HERC2: variants seen among roughly 807,000 people sequenced by gnomAD.
HERC2 encodes the protein HECT and RLD domain containing E3 ubiquitin protein ligase 2, also known as E3 ubiquitin-protein ligase HERC2.
Under a neutral mutation model 537.7 loss-of-function variants are expected in HERC2, and 102 were observed. That is an observed-to-expected ratio of 0.19 (90% CI 0.16 to 0.22). HERC2 has a LOEUF of 0.22. Among genes scored for constraint, HERC2 ranks in the 10% least tolerant of loss-of-function variants. The probability of loss-of-function intolerance (pLI) is 1.00; values close to 1 mark genes in which losing one functional copy is unlikely to be tolerated. For missense variants in HERC2, 4,236 were observed against 6,198.2 expected (o/e 0.68, Z 10.63); for synonymous variants, 2,224 against 2,466.2 (o/e 0.90, Z 2.91).
chr15:28,232,518 C>T (rs1211864113), intron 30 of HERC2, among the ~76,000 whole-genome samples: 3 of 150,332 alleles, frequency 2.0e-5, no homozygotes, highest in Admixed American at 6.6e-5. Flanking sequence ...CACTGCACTC[C>T]AGCCTGGCGA....
At chr15:28,319,312 G>C (rs1409538248) in intron 2 of HERC2, among the ~76,000 whole-genome samples, 11 of 152,322 alleles carry the variant, frequency 7.2e-5, no homozygotes, top group Non-Finnish European at 1.0e-4. Flanking sequence ...TTGGCCAGGT[G>C]CAGTGGCTCA....
chr15:28,145,691 A>G (rs910392637), intron 71 of HERC2, among the ~76,000 whole-genome samples: 5 of 152,200 alleles, frequency 3.3e-5, no homozygotes, highest in African/African-American at 1.2e-4. Flanking sequence ...TGAAGGATAA[A>G]GAGGTCTTAA....
At chr15:28,139,016 G>A (rs1390278555) in intron 78 of HERC2, among the ~76,000 whole-genome samples, 1 of 152,230 alleles carries the variant, frequency 6.6e-6, no homozygotes, top group Non-Finnish European at 1.5e-5. Flanking sequence ...GAAACAGCAA[G>A]AGAACTAGAA....
At position 28,274,991 on chromosome 15, in the gene HERC2, C is replaced by T. The variant is rs1371672238; in HGVS notation, c.557G>A (p.Gly186Asp). The T allele has an allele frequency of 1.2e-6, 2 of 1,606,708 alleles. No homozygotes were observed. The highest frequency in any genetic ancestry group is 3.3e-5 in the Admixed American group (2 of 59,994). Reference sequence around the variant, plus strand: ...TCTGGCGAGCCCCTCCACACCTTTGCCCGCAGGCCGGGAACTGCAGACGAC... The same window carrying T: ...TCTGGCGAGCCCCTCCACACCTTTGTCCGCAGGCCGGGAACTGCAGACGAC... ...PVDKKSSRPA[G>D]KGVEGLARVG... Residue 186 changes from glycine to aspartate, a missense_variant, in exon 6 of 93, where the codon GGC (glycine) becomes GAC (aspartate). Physicochemically the swap from Gly to Asp is moderately conservative, Grantham distance 94. Coordinates refer to ENST00000261609, the MANE Select transcript of HERC2 (RefSeq NM_004667.6).
intron 69 of HERC2, among the ~76,000 whole-genome samples, chr15:28,155,175 T>C (rs1892869006): frequency 6.6e-6 from 1 of 152,122 alleles, no homozygotes; most frequent in Non-Finnish European, 1.5e-5. Context: ...TTGTTGGACA[T>C]TTGGGTTAGT....
At chr15:28,292,645 G>C (rs150143589) in intron 4 of HERC2, among the ~76,000 whole-genome samples, 1 of 152,258 alleles carries the variant, frequency 6.6e-6, no homozygotes, top group African/African-American at 2.4e-5. Flanking sequence ...GTGAGATTCT[G>C]TCTCTAATTA....
intron 2 of HERC2, among the ~76,000 whole-genome samples, chr15:28,299,963 G>A (rs2076575100): frequency 6.6e-6 from 1 of 150,434 alleles, no homozygotes; most frequent in Non-Finnish European, 1.5e-5. Context: ...TGAGGCAGGA[G>A]AATTGCTTGA....
rs1294616642 is a variant in HERC2 at position 28,213,952 on chromosome 15, G to A, written c.6576C>T (p.Phe2192=). 3.7e-6 allele frequency: 6 copies of A among 1,613,886 alleles called. No individual in the cohort carries two copies. Among genetic ancestry groups the A allele is most frequent in the Non-Finnish European group, 5.1e-6 (6 of 1,179,924 alleles). ...CCACTTCAGGGTTCTCGGAGTCGGG[G>A]AAGTAGTCCTCTAACTGGGCCTAGT... is the stretch of plus-strand genomic sequence containing the variant. ...PSEGAQLEDY[F]PDSENPEVGG... The change falls in exon 42 of 93, where the codon TTC becomes TTT. Residue 2192 remains phenylalanine, a synonymous_variant. Coordinates refer to ENST00000261609, the MANE Select transcript of HERC2 (RefSeq NM_004667.6).
In HERC2 at chr15:28,229,710, C is replaced by T; in HGVS notation, c.4947G>A (p.Val1649=). The change falls in exon 32 of 93, where the codon GTG becomes GTA. Residue 1649 remains valine (V), a synonymous_variant. Coordinates refer to ENST00000261609, the MANE Select transcript of HERC2 (RefSeq NM_004667.6). ...IAEFALKEEP[V]DVEKMRKCLL... is the part of the protein sequence containing the mutation. ...GGCACTTTCTCATTTTTTCCACATC[C>T]ACTGGCTCTTCTTTAAGGGCAAATT... 6.2e-7 allele frequency: 1 copy of T among 1,611,880 alleles called. No individual in the cohort carries two copies. The highest frequency in any genetic ancestry group is 8.5e-7 in the Non-Finnish European group (1 of 1,179,754).
chr15:28,121,801 G>A (rs1888921041), intron 85 of HERC2, among the ~76,000 whole-genome samples: 1 of 152,232 alleles, frequency 6.6e-6, no homozygotes, highest in African/African-American at 2.4e-5. Context: ...TGCCAAGCAA[G>A]CCCACCCGTG....
chr15:28,277,095 CAAT>C (rs1380506646), intron 5 of HERC2, among the ~76,000 whole-genome samples: 1 of 149,518 alleles, frequency 6.7e-6, no homozygotes, highest in Non-Finnish European at 1.5e-5. Flanking sequence ...ATAATAATAA[CAAT>C]AATAAAAAAT....
At chr15:28,248,425 C>A in intron 21 of HERC2, 127 bp downstream of exon 21, 2 of 607,928 alleles carry the variant, frequency 3.3e-6, no homozygotes, top group South Asian at 2.6e-5. Flanking sequence ...CAAAATGAAG[C>A]CCCAAAATTG....
intron 70 of HERC2, among the ~76,000 whole-genome samples, chr15:28,147,308 T>A (rs189014389): frequency 1.3e-5 from 2 of 152,376 alleles, no homozygotes; most frequent in African/African-American, 4.8e-5. Context: ...TAAATTTCTA[T>A]CATGAAGTAA....
chr15:28,181,823 T>C (rs911412741), intron 57 of HERC2, among the ~76,000 whole-genome samples: 8 of 152,262 alleles, frequency 5.3e-5, no homozygotes, highest in Non-Finnish European at 1.0e-4. Context: ...ACAGAGGCTA[T>C]GGCACGGCTT....
intron 20 of HERC2, among the ~76,000 whole-genome samples, chr15:28,251,385 G>A (rs981086790): frequency 7.2e-5 from 11 of 151,768 alleles, no homozygotes; most frequent in African/African-American, 2.7e-4. Context: ...AGAGGCTGCA[G>A]TGAGCTGAGA....
chr15:28,219,502 G>A (rs1392982804), intron 37 of HERC2, among the ~76,000 whole-genome samples: 1 of 152,212 alleles, frequency 6.6e-6, no homozygotes, highest in East Asian at 1.9e-4. Flanking sequence ...GGTTCCAGGT[G>A]CCATATACAT....
At chr15:28,191,363 A>C in intron 53 of HERC2, 119 bp from the exon 54 acceptor site, 1 of 652,676 alleles carries the variant, frequency 1.5e-6, no homozygotes, top group Non-Finnish European at 2.6e-6. Context: ...AAAATGTAGC[A>C]TGAGAGAGAA....
At chr15:28,116,216 CTTTTTCTTTTTT>C (rs1229540558) in intron 88 of HERC2, among the ~76,000 whole-genome samples, 2 of 110,874 alleles carry the variant, frequency 1.8e-5, no homozygotes, top group African/African-American at 5.6e-5. Context: ...AAAGTCTTTT[CTTTTTCTTTTTT>C]TTTTTTTTTT....
At chr15:28,202,092 G>A (rs763378060) in intron 47 of HERC2, 21 bp downstream of exon 47, 21 of 1,350,538 alleles carry the variant, frequency 1.6e-5, no homozygotes, top group South Asian at 4.9e-5. Flanking sequence ...AGGTGCGGGC[G>A]GTCACATGGG....
Sources: allele counts gnomAD v4.1 joint callset (sites outside exome capture counted in the v4.1 genomes callset), GRCh38; gene constraint gnomAD v4.1.1; transcripts MANE v1.5; gene names NCBI Gene and HGNC (gene_info 2026-07-23, HGNC 2026-07-21).